Variants in ZNF462 observed in about 807,000 individuals in gnomAD.
ZNF462 encodes the protein zinc finger protein 462.
Under a neutral mutation model 201.9 loss-of-function variants are expected in ZNF462, and 10 were observed. That is an observed-to-expected ratio of 0.05 (90% CI 0.03 to 0.08). ZNF462 has a LOEUF of 0.08. Among genes scored for constraint, ZNF462 ranks in the 10% least tolerant of loss-of-function variants. The pLI is 1.00. For missense variants in ZNF462, 2,523 were observed against 3,168.3 expected (o/e 0.80, Z 4.89); for synonymous variants, 1,227 against 1,193.3 (o/e 1.03, Z -0.58).
intron 9 of ZNF462, among the ~76,000 whole-genome samples, 188 bp from the exon 10 acceptor site, chr9:106,983,998 C>A (rs1232967713): frequency 1.3e-5 from 2 of 152,026 alleles, no homozygotes; most frequent in Non-Finnish European, 2.9e-5. Flanking sequence ...TTAAAAACAC[C>A]CACTCATTCC....
chr9:106,916,409 A>T (rs911921044), intron 1 of ZNF462, among the ~76,000 whole-genome samples: 1 of 152,198 alleles, frequency 6.6e-6, no homozygotes, highest in Admixed American at 6.5e-5. Context: ...TTCTGTAATG[A>T]AGACCCAGCA....
At chr9:106,866,549 G>T (rs949549698) in intron 1 of ZNF462, among the ~76,000 whole-genome samples, 1 of 152,098 alleles carries the variant, frequency 6.6e-6, no homozygotes, top group Admixed American at 6.5e-5. Flanking sequence ...TTCAGTTGAC[G>T]TGTATGCTTA....
At position 106,920,733 on chromosome 9, in the gene ZNF462, A is replaced by G. The variant is rs1829956756; in HGVS notation, c.-30-2621A>G. Among the ~76,000 whole-genome samples the G allele has an allele frequency of 6.6e-6, 1 of 152,220 alleles. No homozygotes were observed. The highest frequency in any genetic ancestry group is 1.9e-4 in the East Asian group (1 of 5,198). ...AGTTAGCATCCTTGATAATAGCTTCAGAAGACACCAAGATATTAGAGAACT... is the reference window on the plus strand; with the variant it reads ...AGTTAGCATCCTTGATAATAGCTTCGGAAGACACCAAGATATTAGAGAACT... On this transcript the variant is annotated intron_variant, in intron 1 of 12. Coordinates refer to ENST00000277225, the MANE Select transcript of ZNF462 (RefSeq NM_021224.6). This position sits in a 1 kb window ranked among gnomAD's most constrained non-coding sequence, Gnocchi z 4.3.
chr9:106,995,982 C>G (rs567352103), intron 10 of ZNF462, among the ~76,000 whole-genome samples: 108 of 152,262 alleles, frequency 7.1e-4, no homozygotes, highest in Middle Eastern at 3.4e-3. Context: ...CACCCCATGA[C>G]AGGCCCCAGT....
chr9:106,913,640 C>T lies in ZNF462; in HGVS notation c.-30-9714C>T, dbSNP rs1340161332. Among the ~76,000 whole-genome samples, 2 of 138,430 alleles carry T rather than the reference C, an allele frequency of 1.4e-5. No homozygotes were observed. The highest frequency in any genetic ancestry group is 3.3e-5 in the Non-Finnish European group (2 of 60,016). The allele number at this position is 138,430 out of a possible 152,430, so 90.8% of individuals were successfully genotyped here. A position where few individuals can be genotyped will look rare whatever the true frequency, so the allele number is the denominator to read the frequency against. On this transcript the variant is annotated intron_variant, in intron 1 of 12. Coordinates refer to ENST00000277225, the MANE Select transcript of ZNF462 (RefSeq NM_021224.6). The surrounding 1 kb of genome is among the most constrained non-coding windows in gnomAD (Gnocchi z 4.1). ...TTTGAGACAATCTCATTCTGTGACC[C>T]AGGCTGGAGTGCAGTGGCATGATCT...
At chr9:106,973,564 T>C (rs1422285422) in intron 8 of ZNF462, among the ~76,000 whole-genome samples, 1 of 152,148 alleles carries the variant, frequency 6.6e-6, no homozygotes, top group Non-Finnish European at 1.5e-5. Context: ...GCTTTATCGA[T>C]TTTAATGAGA....
chr9:106,988,980 A>C (rs1828063137), intron 10 of ZNF462, among the ~76,000 whole-genome samples: 1 of 152,110 alleles, frequency 6.6e-6, no homozygotes, highest in African/African-American at 2.4e-5. Context: ...TATCATCAGC[A>C]AACAATGATG....
Position 106,870,411 on chromosome 9 carries a change from T to C in ZNF462, c.-31+7056T>C, listed in dbSNP as rs1310253654. ...CTTCTGGATATTAATAAAATACTTG[T>C]GCTGCGCCTGTCCACATCTTACCCC... On this transcript the variant is annotated intron_variant, in intron 1 of 12. Transcript: ENST00000277225. The surrounding 1 kb of genome is among the most constrained non-coding windows in gnomAD (Gnocchi z 4.3). Among the ~76,000 whole-genome samples the C allele has an allele frequency of 6.6e-6, 1 of 152,226 alleles. No homozygotes were observed. Among genetic ancestry groups the C allele is most frequent in the Admixed American group, 6.5e-5 (1 of 15,278 alleles).
intron 1 of ZNF462, among the ~76,000 whole-genome samples, chr9:106,921,695 C>T (rs1829999546): frequency 1.3e-5 from 2 of 152,166 alleles, no homozygotes; most frequent in South Asian, 4.1e-4. Context: ...GTTCTAAATG[C>T]AGGAGTTGTC....
chr9:106,914,656 G>A (rs562258152), intron 1 of ZNF462, among the ~76,000 whole-genome samples: 1 of 152,320 alleles, frequency 6.6e-6, no homozygotes, highest in Non-Finnish European at 1.5e-5. Context: ...TCCCAAGGCT[G>A]AAGAGCCAGA....
Position 106,913,674 on chromosome 9 carries a change from T to C in ZNF462, c.-30-9680T>C, listed in dbSNP as rs1201160076. ...GTGCAGTGGCATGATCTCGACTCAC[T>C]GCAACCTCTGTCTCCCAGGCTCAAA... On this transcript the variant is annotated intron_variant, in intron 1 of 12. Transcript: ENST00000277225. This position sits in a 1 kb window ranked among gnomAD's most constrained non-coding sequence, Gnocchi z 4.1. 6.6e-6 allele frequency among the ~76,000 whole-genome samples: 1 copy of C among 151,230 alleles called. No individual in the cohort carries two copies. The highest frequency in any genetic ancestry group is 1.5e-5 in the Non-Finnish European group (1 of 67,626).
intron 10 of ZNF462, among the ~76,000 whole-genome samples, chr9:106,987,207 G>A (rs1827915979): frequency 6.6e-6 from 1 of 152,194 alleles, no homozygotes; most frequent in African/African-American, 2.4e-5. Flanking sequence ...TCAAATGGCA[G>A]TTCTACTTTT....
intron 10 of ZNF462, among the ~76,000 whole-genome samples, chr9:107,000,887 G>A (rs1172670953): frequency 1.3e-5 from 2 of 152,132 alleles, no homozygotes; most frequent in Admixed American, 1.3e-4. Context: ...AAAGAAGCAG[G>A]GGTTCCAGTG....
chr9:107,005,982 C>T lies in ZNF462; in HGVS notation c.7189+2556C>T, dbSNP rs1588205359. Among the ~76,000 whole-genome samples the T allele has an allele frequency of 2.0e-5, 3 of 152,214 alleles. No individual in the cohort carries two copies. The highest frequency in any genetic ancestry group is 2.1e-4 in the South Asian group (1 of 4,822). On this transcript the variant is annotated intron_variant, in intron 11 of 12. Coordinates refer to ENST00000277225, the MANE Select transcript of ZNF462 (RefSeq NM_021224.6). The surrounding 1 kb of genome is among the most constrained non-coding windows in gnomAD (Gnocchi z 4.4). ...TGTTCTTGGCACCTTTGTTGAAAAC[C>T]GATGGACTGTGAATGTGTGGATTTA...
chr9:106,948,829 T>C lies in ZNF462; in HGVS notation c.6427+9722T>C, dbSNP rs114378609. Among the ~76,000 whole-genome samples the C allele has an allele frequency of 8.1e-3, 1,234 of 151,918 alleles. 7 individuals carry two copies. Among genetic ancestry groups the C allele is most frequent in the Non-Finnish European group, 0.011 (775 of 67,958 alleles). ...TTTTCAAATAATAAATATTGAGTACTTAAAGGTTTCAAATATATTTTTATG... is the reference window on the plus strand; with the variant it reads ...TTTTCAAATAATAAATATTGAGTACCTAAAGGTTTCAAATATATTTTTATG... On this transcript the variant is annotated intron_variant, in intron 7 of 12. Transcript: ENST00000277225.
At chr9:106,971,984 A>AT (rs1201730495) in intron 7 of ZNF462, 21 bp from the exon 8 acceptor site, 28 of 1,600,766 alleles carry the variant, frequency 1.7e-5, no homozygotes, top group Non-Finnish European at 2.3e-5. Flanking sequence ...GCCCCGTGTC[A>AT]TTTTTCCCGT....
chr9:106,927,256 A>T lies in ZNF462; in HGVS notation c.3344A>T (p.Tyr1115Phe). 6.4e-7 allele frequency: 1 copy of T among 1,557,606 alleles called. No individual in the cohort carries two copies. ...PPPDLSTELY[Y>F]CKHCSYSNRS... ...CCAGACCTCAGTACTGAGCTTTACT[A>T]CTGCAAACACTGTTCCTACAGCAAT... is the stretch of plus-strand genomic sequence containing the variant. The change falls in exon 3 of 13, where the codon TAC becomes TTC. Residue 1115 changes from tyrosine to phenylalanine, a missense_variant. Physicochemically the swap from Tyr to Phe is conservative, Grantham distance 22. Transcript: ENST00000277225.
At position 106,963,940 on chromosome 9, in the gene ZNF462, A is replaced by G. The variant is rs1754463120; in HGVS notation, c.6428-8065A>G. ...CCTCATGGAAGTGGCATCGTGCAGT[A>G]TTTGTCCCTCTGTGACTGGCTTTAG... On this transcript the variant is annotated intron_variant, in intron 7 of 12. Transcript: ENST00000277225. The surrounding 1 kb of genome is among the most constrained non-coding windows in gnomAD (Gnocchi z 4.7). Among the ~76,000 whole-genome samples the G allele has an allele frequency of 6.6e-6, 1 of 151,474 alleles. No individual in the cohort carries two copies.
chr9:106,919,379 T>C lies in ZNF462; in HGVS notation c.-30-3975T>C, dbSNP rs568009483. On this transcript the variant is annotated intron_variant, in intron 1 of 12. Transcript: ENST00000277225. The surrounding 1 kb of genome is among the most constrained non-coding windows in gnomAD (Gnocchi z 4.5). ...CTTCCTCCTTCACAGGAGGGAAAACTGAGGCAAATGGATCTCTGGAATTCT... is the reference window on the plus strand; with the variant it reads ...CTTCCTCCTTCACAGGAGGGAAAACCGAGGCAAATGGATCTCTGGAATTCT... Among the ~76,000 whole-genome samples, 79 of 152,310 alleles carry C rather than the reference T, an allele frequency of 5.2e-4. No individual in the cohort carries two copies. Among genetic ancestry groups the C allele is most frequent in the African/African-American group, 1.8e-3 (75 of 41,572 alleles).
Sources: gnomAD v4.1 joint callset for allele counts (sites outside exome capture counted in the v4.1 genomes callset) on GRCh38, gnomAD v4.1.1 for gene constraint, Gnocchi (gnomAD v3.1) non-coding constraint, MANE v1.5 for transcripts, NCBI Gene and HGNC (gene_info 2026-07-23, HGNC 2026-07-21) for gene names.